Variants in NYAP2 observed in about 807,000 individuals in gnomAD.
NYAP2 encodes the protein neuronal tyrosine-phosphorylated phosphoinositide-3-kinase adapter 2.
In NYAP2, 23 loss-of-function variants were observed where a neutral mutation model predicts 50.4. The observed-to-expected ratio is 0.46, with a 90% confidence interval of 0.33 to 0.65. The LOEUF is 0.65. Among genes scored for constraint, NYAP2 ranks in the 30% least tolerant of loss-of-function variants. The probability of loss-of-function intolerance (pLI) is 0.02; values close to 1 mark genes in which losing one functional copy is unlikely to be tolerated. For missense variants in NYAP2, 885 were observed against 861.0 expected, an observed-to-expected ratio of 1.03 and a Z score of -0.35; for synonymous variants, 394 against 365.2, an observed-to-expected ratio of 1.08 and a Z score of -0.90.
chr2:225,554,407 G>A (rs1172063530), intron 4 of NYAP2, among the ~76,000 whole-genome samples: 11 of 147,664 alleles, frequency 7.4e-5, no homozygotes, highest in African/African-American at 2.5e-4. Flanking sequence ...TGAAACCTCT[G>A]CCTCCCAGGT....
intron 3 of NYAP2, among the ~76,000 whole-genome samples, chr2:225,481,668 A>G (rs1690209243): frequency 6.6e-6 from 1 of 152,116 alleles, no homozygotes; most frequent in African/African-American, 2.4e-5. Context: ...GTATTTCTTG[A>G]AGTTTGAAAA....
chr2:225,696,396 C>A, the NYAP2 span, among the ~76,000 whole-genome samples: 1 of 151,792 alleles, frequency 6.6e-6, no homozygotes, highest in Non-Finnish European at 1.5e-5. Context: ...AAGACTTGGG[C>A]AATGGTTTAC....
chr2:225,674,971 A>C, the NYAP2 span, among the ~76,000 whole-genome samples: 2 of 152,104 alleles, frequency 1.3e-5, no homozygotes, highest in African/African-American at 4.8e-5. Flanking sequence ...TGTTAACAGG[A>C]AAGAAAGGAT....
In NYAP2 at chr2:225,628,385, G is replaced by A. The variant is rs1250390837; in HGVS notation, c.1828+1259G>A. Reference sequence around the variant, plus strand: ...TGCCCAGGCTGGAGTGCAATGGTGCGATCTTGGCTCACTGCAACCTCCGAC... The same window carrying A: ...TGCCCAGGCTGGAGTGCAATGGTGCAATCTTGGCTCACTGCAACCTCCGAC... On this transcript the variant is annotated intron_variant, in intron 6 of 6. Transcript: ENST00000636099. 4.1e-5 allele frequency among the ~76,000 whole-genome samples: 6 copies of A among 146,590 alleles called. No homozygotes were observed. The South Asian group carries it at 6.5e-4, about 16-fold the overall frequency.
At chr2:225,625,930 G>C (rs1389891677) in intron 5 of NYAP2, among the ~76,000 whole-genome samples, 1 of 152,182 alleles carries the variant, frequency 6.6e-6, no homozygotes, top group African/African-American at 2.4e-5. Context: ...GAGGATTAGA[G>C]CTGAACCAGA....
At chr2:225,506,824 T>G (rs2106181251) in intron 3 of NYAP2, among the ~76,000 whole-genome samples, 1 of 152,272 alleles carries the variant, frequency 6.6e-6, no homozygotes, top group East Asian at 1.9e-4. Context: ...TCTTTACAGC[T>G]GTAACCACCA....
chr2:225,578,603 T>C (rs1381754865), intron 4 of NYAP2, among the ~76,000 whole-genome samples: 3 of 152,146 alleles, frequency 2.0e-5, no homozygotes, highest in Non-Finnish European at 4.4e-5. Flanking sequence ...TCTTGGCCCA[T>C]GTATGGGATA....
chr2:225,681,119 G>T, the NYAP2 span, among the ~76,000 whole-genome samples: 1 of 152,132 alleles, frequency 6.6e-6, no homozygotes, highest in East Asian at 1.9e-4. Flanking sequence ...CACATAAAGT[G>T]CAACAGTTTT....
At chr2:225,639,605 G>A (rs1475382278) in intron 6 of NYAP2, among the ~76,000 whole-genome samples, 5 of 151,914 alleles carry the variant, frequency 3.3e-5, no homozygotes, top group African/African-American at 4.8e-5. Context: ...CTCTTCCCAT[G>A]ATTTAATTAG....
intron 6 of NYAP2, among the ~76,000 whole-genome samples, chr2:225,633,398 GA>G (rs1693354962): frequency 6.6e-6 from 1 of 152,180 alleles, no homozygotes; most frequent in African/African-American, 2.4e-5. Flanking sequence ...GGTCTAAGAT[GA>G]GATGCTAATT....
chr2:225,700,847 A>T, the NYAP2 span: 2 of 151,750 alleles, frequency 1.3e-5, no homozygotes, highest in Non-Finnish European at 2.9e-5. Flanking sequence ...AATGTTGGCC[A>T]TTTGTCAAGA....
At chr2:225,626,357 G>A (rs1269624380) in intron 5 of NYAP2, among the ~76,000 whole-genome samples, 1 of 152,210 alleles carries the variant, frequency 6.6e-6, no homozygotes, top group Non-Finnish European at 1.5e-5. Context: ...CAGTGTGCCA[G>A]GGATGCATGG....
chr2:225,687,549 A>G, the NYAP2 span, among the ~76,000 whole-genome samples: 1 of 152,198 alleles, frequency 6.6e-6, no homozygotes, highest in Non-Finnish European at 1.5e-5. Context: ...ATTGACACAT[A>G]TATTCTTTAA....
intron 3 of NYAP2, among the ~76,000 whole-genome samples, chr2:225,512,609 C>T (rs984442871): frequency 2.0e-5 from 3 of 146,480 alleles, no homozygotes; most frequent in African/African-American, 7.6e-5. Context: ...TTCCCTTCCT[C>T]TCCTTTGCTT....
the NYAP2 span, among the ~76,000 whole-genome samples, chr2:225,679,317 G>C: frequency 6.6e-6 from 1 of 152,044 alleles, no homozygotes; most frequent in East Asian, 1.9e-4. Context: ...ATTATATATG[G>C]TGCAGAGAGC....
chr2:225,618,008 A>T (rs1285496559), intron 5 of NYAP2, among the ~76,000 whole-genome samples: 1 of 152,234 alleles, frequency 6.6e-6, no homozygotes, highest in Non-Finnish European at 1.5e-5. Context: ...GGGCAACAAG[A>T]TATATAAACA....
chr2:225,557,546 T>C (rs942368053), intron 4 of NYAP2, among the ~76,000 whole-genome samples: 1 of 152,156 alleles, frequency 6.6e-6, no homozygotes, highest in Non-Finnish European at 1.5e-5. Flanking sequence ...GATATTACTA[T>C]ATTATGAATA....
chr2:225,620,405 GCACGCACACATGCACGCACACGCACGCA>G (rs1489967368), intron 5 of NYAP2, among the ~76,000 whole-genome samples: 1 of 136,000 alleles, frequency 7.4e-6, no homozygotes, highest in Non-Finnish European at 1.6e-5. Context: ...GCACACACGC[GCACGCACACATGCACGCACACGCACGCA>G]CACACGCACG....
At chr2:225,448,777 A>G (rs910036051) in intron 3 of NYAP2, among the ~76,000 whole-genome samples, 3 of 152,198 alleles carry the variant, frequency 2.0e-5, no homozygotes, top group Admixed American at 2.0e-4. Flanking sequence ...CTCCAGAATC[A>G]AAATTAGCCA....
Sources: gnomAD v4.1 joint callset for allele counts (sites outside exome capture counted in the v4.1 genomes callset) on GRCh38, gnomAD v4.1.1 for gene constraint, MANE v1.5 for transcripts, NCBI Gene and HGNC (gene_info 2026-07-23, HGNC 2026-07-21) for gene names.